The following RGS8 variants were observed in gnomAD, a reference collection of about 807,000 sequenced individuals.
RGS8 encodes regulator of G protein signaling 8.
RGS8 carries 8 observed loss-of-function variants against 21.7 expected under a neutral mutation model. That is an observed-to-expected ratio of 0.37 (90% CI 0.22 to 0.66). The LOEUF (loss-of-function observed/expected upper bound fraction) is 0.66, where lower values mean the gene tolerates loss of function less well. Ranked by LOEUF, RGS8 falls within the 30% of genes least tolerant of loss-of-function variation. RGS8 has a pLI of 0.59. For missense variants in RGS8, 157 were observed against 217.9 expected (o/e 0.72, Z 1.76); for synonymous variants, 80 against 83.6 (o/e 0.96, Z 0.24).
At chr1:182,737,586 T>C in the RGS8 span, among the ~76,000 whole-genome samples, 6 of 152,166 alleles carry the variant, frequency 3.9e-5, no homozygotes, top group Non-Finnish European at 8.8e-5. Flanking sequence ...AAGACGTGCT[T>C]TTGCTCCTTC....
intron 1 of RGS8, among the ~76,000 whole-genome samples, chr1:182,678,868 ACC>A (rs1195454794): frequency 6.6e-6 from 1 of 152,008 alleles, no homozygotes; most frequent in East Asian, 1.9e-4. Flanking sequence ...AACTCTTCAC[ACC>A]CTCACAACCT....
At chr1:182,670,582 G>A (rs900792109) in intron 2 of RGS8, among the ~76,000 whole-genome samples, 4 of 152,150 alleles carry the variant, frequency 2.6e-5, no homozygotes, top group Non-Finnish European at 5.9e-5. Context: ...TCCCCTGGGG[G>A]ACTCTGACAT....
At chr1:182,691,902 C>T in the RGS8 span, among the ~76,000 whole-genome samples, 1 of 152,000 alleles carries the variant, frequency 6.6e-6, no homozygotes, top group African/African-American at 2.4e-5. Context: ...AATACTATAC[C>T]TAGAAAACTC....
the RGS8 span, among the ~76,000 whole-genome samples, chr1:182,694,070 C>A: frequency 6.6e-6 from 1 of 151,698 alleles, no homozygotes. Context: ...CAAACCCCCA[C>A]GACACACAGT....
chr1:182,667,683 A>G (rs1255414639), intron 3 of RGS8, among the ~76,000 whole-genome samples: 1 of 152,128 alleles, frequency 6.6e-6, no homozygotes, highest in Non-Finnish European at 1.5e-5. Flanking sequence ...TTTAACATGT[A>G]TGTTTACATT....
At chr1:182,680,923 A>C (rs1345824251) in intron 1 of RGS8, among the ~76,000 whole-genome samples, 2 of 152,190 alleles carry the variant, frequency 1.3e-5, no homozygotes, top group Non-Finnish European at 2.9e-5. Context: ...GTCAGCAACA[A>C]GGGTTCAAGC....
chr1:182,675,274 T>A (rs190269876), upstream of RGS8, among the ~76,000 whole-genome samples: 16 of 152,288 alleles, frequency 1.1e-4, no homozygotes, highest in African/African-American at 3.8e-4. Flanking sequence ...CCTTCCTAAA[T>A]TGGTTTTTAA....
intron 3 of RGS8, among the ~76,000 whole-genome samples, 157 bp from the exon 5 acceptor site, chr1:182,667,130 TAGAG>T (rs1203515146): frequency 2.0e-5 from 3 of 152,178 alleles, no homozygotes. Flanking sequence ...AGAGACCACC[TAGAG>T]AATCAATAAC....
the RGS8 span, among the ~76,000 whole-genome samples, chr1:182,726,890 G>A: frequency 1.3e-5 from 2 of 150,400 alleles, no homozygotes; most frequent in Non-Finnish European, 3.0e-5. Flanking sequence ...AGCCATTACA[G>A]GCATGAGGTG....
the RGS8 span, among the ~76,000 whole-genome samples, chr1:182,711,621 T>C: frequency 5.9e-5 from 9 of 152,304 alleles, no homozygotes; most frequent in African/African-American, 2.2e-4. Flanking sequence ...TCAGCCAGCA[T>C]TACCCCTGAC....
At chr1:182,653,352 C>T (rs1758781) in intron 5 of RGS8, among the ~76,000 whole-genome samples, 1 of 151,312 alleles carries the variant, frequency 6.6e-6, no homozygotes, top group Admixed American at 6.6e-5. Context: ...GACAGCATAG[C>T]TGGAAGGAAA....
chr1:182,708,636 G>A, the RGS8 span, among the ~76,000 whole-genome samples: 1 of 152,220 alleles, frequency 6.6e-6, no homozygotes, highest in Non-Finnish European at 1.5e-5. Flanking sequence ...CTGCCACCAG[G>A]CTGGCTTCCA....
chr1:182,707,445 A>C, the RGS8 span, among the ~76,000 whole-genome samples: 1 of 152,198 alleles, frequency 6.6e-6, no homozygotes. Flanking sequence ...AAGCAGGGGA[A>C]GGTGTGGCAA....
chr1:182,667,329 G>A (rs940118336), intron 3 of RGS8, among the ~76,000 whole-genome samples: 9 of 152,194 alleles, frequency 5.9e-5, no homozygotes, highest in African/African-American at 9.7e-5. Context: ...TCCACAAGGA[G>A]GGCAAAGTAA....
At chr1:182,737,628 C>T in the RGS8 span, among the ~76,000 whole-genome samples, 1 of 152,220 alleles carries the variant, frequency 6.6e-6, no homozygotes, top group East Asian at 1.9e-4. Flanking sequence ...GAGGCCTCCC[C>T]AGACATGTGG....
chr1:182,704,550 G>C, the RGS8 span, among the ~76,000 whole-genome samples: 1 of 152,226 alleles, frequency 6.6e-6, no homozygotes, highest in Non-Finnish European at 1.5e-5. Flanking sequence ...CCCATATGCA[G>C]AATGGGACAA....
chr1:182,713,233 G>C, the RGS8 span, among the ~76,000 whole-genome samples: 5 of 152,104 alleles, frequency 3.3e-5, no homozygotes, highest in Non-Finnish European at 5.9e-5. Flanking sequence ...ACCTAGGCTG[G>C]AGTGCAGTGG....
chr1:182,647,895 A>T (rs1392539482), intron 6 of RGS8, among the ~76,000 whole-genome samples: 1 of 152,264 alleles, frequency 6.6e-6, no homozygotes, highest in Non-Finnish European at 1.5e-5. Flanking sequence ...GTAGCAACAC[A>T]GTTCCTGCTA....
chr1:182,740,544 GT>G, the RGS8 span, among the ~76,000 whole-genome samples: 3 of 103,312 alleles, frequency 2.9e-5, no homozygotes, highest in South Asian at 7.0e-4. Flanking sequence ...TTTTTTGTTT[GT>G]TTGTTTTTTT....
Sources: gnomAD v4.1 joint callset for allele counts (sites outside exome capture counted in the v4.1 genomes callset) on GRCh38, gnomAD v4.1.1 for gene constraint, MANE v1.5 for transcripts, NCBI Gene and HGNC (gene_info 2026-07-23, HGNC 2026-07-21) for gene names.